TESC: variants seen among roughly 807,000 people sequenced by gnomAD.
TESC encodes the protein calcineurin B homologous protein 3.
In TESC, 19 loss-of-function variants were observed where a neutral mutation model predicts 31.0. The observed-to-expected ratio is 0.61, with a 90% CI of 0.43 to 0.90. The LOEUF is 0.90. Ranked by LOEUF, TESC falls within the 40% of genes least tolerant of loss-of-function variation. The pLI, the probability that TESC is intolerant of heterozygous loss-of-function variation, is 0.00. For missense variants in TESC, 248 were observed against 303.8 expected, an observed-to-expected ratio of 0.82 and a Z score of 1.36; for synonymous variants, 109 against 114.8, an observed-to-expected ratio of 0.95 and a Z score of 0.32.
chr12:117,061,167 G>T (rs1354240178), intron 2 of TESC, among the ~76,000 whole-genome samples: 3 of 152,234 alleles, frequency 2.0e-5, no homozygotes, highest in Admixed American at 6.5e-5. Context: ...GGTGTCTGGT[G>T]AACTGGGAGT....
intron 2 of TESC, among the ~76,000 whole-genome samples, chr12:117,059,633 C>T (rs531212374): frequency 5.3e-5 from 8 of 152,280 alleles, no homozygotes; most frequent in African/African-American, 1.7e-4. Flanking sequence ...AATCTCGGCT[C>T]AATCTCCATG....
At chr12:117,084,565 T>G (rs905394481) in intron 1 of TESC, among the ~76,000 whole-genome samples, 1 of 152,242 alleles carries the variant, frequency 6.6e-6, no homozygotes, top group South Asian at 2.1e-4. Context: ...TGTGGGGACC[T>G]GCTTGCAGCC....
At chr12:117,043,712 C>A (rs556846212) in intron 6 of TESC, among the ~76,000 whole-genome samples, 4 of 152,270 alleles carry the variant, frequency 2.6e-5, no homozygotes, top group South Asian at 4.1e-4. Flanking sequence ...GCAATCCAAC[C>A]GCCTGGGGCT....
chr12:117,080,057 C>T (rs569855866), intron 1 of TESC, among the ~76,000 whole-genome samples: 42 of 152,230 alleles, frequency 2.8e-4, no homozygotes, highest in African/African-American at 8.9e-4. Context: ...TATGATTCTA[C>T]GCCCATTCTA....
rs370948426 is a variant in TESC at position 117,049,529 on chromosome 12, C to T, written c.210-371G>A. Among the ~76,000 whole-genome samples, 4 of 152,348 alleles carry T rather than the reference C, an allele frequency of 2.6e-5. No individual in the cohort carries two copies. The East Asian group carries it at 7.7e-4, about 29-fold the overall frequency. On this transcript the variant is annotated intron_variant, in intron 3 of 7. Transcript: ENST00000335209. ...CACTGAGTACATCTCCTGATCCTTT[C>T]CTTTAGCTCAGGGGTTGGCAAACAG...
At chr12:117,092,708 A>T (rs1284242548) in intron 1 of TESC, among the ~76,000 whole-genome samples, 1 of 152,154 alleles carries the variant, frequency 6.6e-6, no homozygotes, top group East Asian at 1.9e-4. Context: ...AGGTGGGAGG[A>T]TCACTTGAGC....
chr12:117,085,229 C>A (rs1955203492), intron 1 of TESC, among the ~76,000 whole-genome samples: 1 of 152,094 alleles, frequency 6.6e-6, no homozygotes, highest in Non-Finnish European at 1.5e-5. Context: ...AGAAAACAGG[C>A]AGGGAATGAA....
At chr12:117,080,983 G>C (rs1357801105) in intron 1 of TESC, among the ~76,000 whole-genome samples, 1 of 152,226 alleles carries the variant, frequency 6.6e-6, no homozygotes, top group Non-Finnish European at 1.5e-5. Context: ...ATGATGGGCA[G>C]AATGGGCTTT....
At chr12:117,074,919 G>A (rs181125551) in intron 2 of TESC, among the ~76,000 whole-genome samples, 16 of 152,304 alleles carry the variant, frequency 1.1e-4, no homozygotes, top group African/African-American at 3.4e-4. Context: ...GGCTGAGACG[G>A]GTGGATCACA....
intron 1 of TESC, among the ~76,000 whole-genome samples, chr12:117,092,980 A>T (rs907784438): frequency 3.3e-5 from 5 of 152,314 alleles, no homozygotes; most frequent in Admixed American, 3.3e-4. Flanking sequence ...CTCCCTGAAG[A>T]TGCCAGGGGA....
At chr12:117,069,834 C>T (rs1001622262) in intron 2 of TESC, among the ~76,000 whole-genome samples, 1 of 152,214 alleles carries the variant, frequency 6.6e-6, no homozygotes, top group African/African-American at 2.4e-5. Flanking sequence ...ACTTACAAAT[C>T]TTATTCATCT....
intron 1 of TESC, among the ~76,000 whole-genome samples, chr12:117,095,220 G>A (rs535276835): frequency 2.0e-5 from 3 of 149,610 alleles, no homozygotes; most frequent in Admixed American, 6.6e-5. Flanking sequence ...GATTACAGGC[G>A]TCTGCCACCG....
chr12:117,087,435 G>A (rs942897989), intron 1 of TESC, among the ~76,000 whole-genome samples: 1 of 152,192 alleles, frequency 6.6e-6, no homozygotes, highest in African/African-American at 2.4e-5. Context: ...CAAGGGTCCT[G>A]TTAGGATCTC....
At chr12:117,062,060 T>C (rs2135768066) in intron 2 of TESC, among the ~76,000 whole-genome samples, 2 of 152,234 alleles carry the variant, frequency 1.3e-5, no homozygotes, top group East Asian at 3.9e-4. Context: ...GCAGCAGCAG[T>C]AACAGTAATC....
chr12:117,053,579 G>A (rs544510034), intron 3 of TESC, among the ~76,000 whole-genome samples: 103 of 152,124 alleles, frequency 6.8e-4, no homozygotes, highest in African/African-American at 2.3e-3. Flanking sequence ...GTGTTTGGAC[G>A]AACATATGCC....
intron 2 of TESC, among the ~76,000 whole-genome samples, chr12:117,071,291 C>T (rs900685050): frequency 6.6e-6 from 1 of 152,204 alleles, no homozygotes; most frequent in Non-Finnish European, 1.5e-5. Flanking sequence ...GTGTTACAGG[C>T]CCTGGACTCA....
At chr12:117,077,889 C>CA (rs532798125) in intron 1 of TESC, among the ~76,000 whole-genome samples, 61 of 152,052 alleles carry the variant, frequency 4.0e-4, no homozygotes, top group Non-Finnish European at 7.5e-4. Flanking sequence ...TCGGAAACCT[C>CA]AAAGAGCTGT....
intron 1 of TESC, among the ~76,000 whole-genome samples, chr12:117,078,666 C>G (rs1185004949): frequency 6.6e-6 from 1 of 152,076 alleles, no homozygotes; most frequent in Non-Finnish European, 1.5e-5. Flanking sequence ...CAAGAGAGCA[C>G]AACTCTGTGT....
chr12:117,075,885 A>ATATATATATATATATATATGTGTGTGTG (rs1565971489), intron 1 of TESC, among the ~76,000 whole-genome samples: 2 of 46,258 alleles, frequency 4.3e-5, no homozygotes, highest in Non-Finnish European at 7.8e-5. Flanking sequence ...GTATATATAT[A>ATATATATATATATATATATGTGTGTGTG]TATATATATA....
Sources: gnomAD v4.1 joint callset for allele counts (sites outside exome capture counted in the v4.1 genomes callset) on GRCh38, gnomAD v4.1.1 for gene constraint, MANE v1.5 for transcripts, NCBI Gene and HGNC (gene_info 2026-07-23, HGNC 2026-07-21) for gene names.